IMMP2L: variants seen among roughly 807,000 people sequenced by gnomAD.
IMMP2L encodes inner mitochondrial membrane peptidase subunit 2.
Under a neutral mutation model 19.3 loss-of-function variants are expected in IMMP2L, and 18 were observed. The observed-to-expected ratio is 0.93, with a 90% confidence interval of 0.64 to 1.38. The LOEUF (loss-of-function observed/expected upper bound fraction) is 1.38, where lower values mean the gene tolerates loss of function less well. Ranked by LOEUF, IMMP2L falls within the 40% of genes most tolerant of loss-of-function variation. The probability of loss-of-function intolerance (pLI) is 0.00; values close to 1 mark genes in which losing one functional copy is unlikely to be tolerated. For missense variants in IMMP2L, 233 were observed against 218.2 expected, an observed-to-expected ratio of 1.07 and a Z score of -0.43; for synonymous variants, 76 against 73.0, an observed-to-expected ratio of 1.04 and a Z score of -0.21.
At chr7:110,913,203 T>C (rs1231111242) in intron 4 of IMMP2L, among the ~76,000 whole-genome samples, 1 of 152,096 alleles carries the variant, frequency 6.6e-6, no homozygotes, top group African/African-American at 2.4e-5. Context: ...AGTAGACTAA[T>C]AACCACTGGG....
rs974063637 is a variant in IMMP2L, at chr7:110,757,274, G to T, written c.409-93553C>A. ...CACTGAGGGAACCACATCCAGAAGG[G>T]CTTCGTATTTGGTTTAATACTCACC... On this transcript the variant is annotated intron_variant, in intron 5 of 5. Transcript: ENST00000405709. The surrounding 1 kb of genome is among the most constrained non-coding windows in gnomAD (Gnocchi z 4.2). 2.0e-5 allele frequency among the ~76,000 whole-genome samples: 3 copies of T among 151,682 alleles called. No individual in the cohort carries two copies. Among genetic ancestry groups the T allele is most frequent in the South Asian group, 2.1e-4 (1 of 4,798 alleles).
chr7:110,675,415 A>G (rs905900389), intron 5 of IMMP2L, among the ~76,000 whole-genome samples: 1 of 152,014 alleles, frequency 6.6e-6, no homozygotes, highest in Non-Finnish European at 1.5e-5. Flanking sequence ...CCCAAATGCA[A>G]CCGTATTTCA....
intron 5 of IMMP2L, among the ~76,000 whole-genome samples, chr7:110,670,309 T>C (rs1791802244): frequency 6.6e-6 from 1 of 152,218 alleles, no homozygotes. Flanking sequence ...TCCAGAATTG[T>C]CAGAAAATAA....
In IMMP2L at chr7:110,867,600, AT is replaced by A. The variant is rs967455006; in HGVS notation, c.408+18992del. Among the ~76,000 whole-genome samples the A allele has an allele frequency of 1.0e-3, 156 of 149,694 alleles. 1 individual carries two copies. Among genetic ancestry groups the A allele is most frequent in the African/African-American group, 3.0e-3 (121 of 40,924 alleles). On this transcript the variant is annotated intron_variant, in intron 5 of 5. Transcript: ENST00000405709. ...ACTATTACCAAGAAAAGTCCCACGT[AT>A]TTTTTTTTTGATAAGTTTCTGTGAA...
chr7:111,191,328 G>C (rs1808844579), intron 3 of IMMP2L, among the ~76,000 whole-genome samples: 1 of 151,710 alleles, frequency 6.6e-6, no homozygotes, highest in African/African-American at 2.4e-5. Flanking sequence ...TTCCATTAAA[G>C]CATGTAAAAT....
chr7:111,117,889 A>C (rs536839698), intron 3 of IMMP2L, among the ~76,000 whole-genome samples: 1 of 152,248 alleles, frequency 6.6e-6, no homozygotes, highest in African/African-American at 2.4e-5. Flanking sequence ...AGTCTTTATA[A>C]TACACATAAT....
intron 1 of IMMP2L, among the ~76,000 whole-genome samples, chr7:111,560,361 T>C (rs1000327969): frequency 6.6e-6 from 1 of 152,216 alleles, no homozygotes; most frequent in Admixed American, 6.5e-5. Context: ...CTTTCGAATT[T>C]ATTTTTCTAA....
At chr7:111,118,376 C>T (rs1324879424) in intron 3 of IMMP2L, among the ~76,000 whole-genome samples, 3 of 151,988 alleles carry the variant, frequency 2.0e-5, no homozygotes, top group East Asian at 1.9e-4. Flanking sequence ...TATAATTATA[C>T]CAAGAAACAA....
rs1259253663 is a variant in IMMP2L at position 111,079,156 on chromosome 7, C to T, written c.240-115591G>A. 3.4e-5 allele frequency among the ~76,000 whole-genome samples: 5 copies of T among 148,698 alleles called. No individual in the cohort carries two copies. In the East Asian group the frequency reaches 9.8e-4, roughly 29 times the overall value. ...TTTTTGAGACGGAGTCTCGCTCTGT[C>T]GCCCAGGCTGGAGTGCAGTGGCGGG... On this transcript the variant is annotated intron_variant, in intron 3 of 5. Transcript: ENST00000405709.
intron 5 of IMMP2L, among the ~76,000 whole-genome samples, chr7:110,769,074 G>C (rs1017305381): frequency 2.0e-5 from 3 of 152,136 alleles, no homozygotes; most frequent in East Asian, 3.9e-4. Context: ...TTGCCTGATA[G>C]CACAATTTCA....
intron 3 of IMMP2L, among the ~76,000 whole-genome samples, chr7:111,471,449 A>C (rs1032569171): frequency 5.9e-5 from 9 of 152,118 alleles, no homozygotes; most frequent in African/African-American, 2.2e-4. Flanking sequence ...GGTCCAATAC[A>C]GTAGCCAAAA....
intron 3 of IMMP2L, among the ~76,000 whole-genome samples, chr7:111,340,259 T>C (rs942758652): frequency 2.0e-5 from 3 of 152,186 alleles, no homozygotes; most frequent in Non-Finnish European, 4.4e-5. Flanking sequence ...ACATTTTTTG[T>C]TCTGTTACAG....
At chr7:110,837,217 G>A (rs1051218295) in intron 5 of IMMP2L, among the ~76,000 whole-genome samples, 2 of 152,084 alleles carry the variant, frequency 1.3e-5, no homozygotes, top group African/African-American at 2.4e-5. Flanking sequence ...TCAAGGCAAT[G>A]TCTATAATAC....
At chr7:110,974,677 C>A (rs1269402836) in intron 3 of IMMP2L, among the ~76,000 whole-genome samples, 15 of 152,098 alleles carry the variant, frequency 9.9e-5, no homozygotes, top group Non-Finnish European at 1.8e-4. Flanking sequence ...TGTTCACTGG[C>A]ACTCAGATGT....
In IMMP2L at chr7:110,822,492, A is replaced by G. The variant is rs149101360; in HGVS notation, c.408+64101T>C. On this transcript the variant is annotated intron_variant, in intron 5 of 5. Coordinates refer to ENST00000405709, the MANE Select transcript of IMMP2L (RefSeq NM_032549.4). ...CCTGGAATTCCTGTTTGCTGTAAACACCTCCTTATCCTAAACACTTGTCCA... is the reference window on the plus strand; with the variant it reads ...CCTGGAATTCCTGTTTGCTGTAAACGCCTCCTTATCCTAAACACTTGTCCA... Among the ~76,000 whole-genome samples, 263 of 152,088 alleles carry G rather than the reference A, an allele frequency of 1.7e-3. 1 individual carries two copies. The highest frequency in any genetic ancestry group is 0.01 in the Middle Eastern group (3 of 294).
intron 1 of IMMP2L, among the ~76,000 whole-genome samples, chr7:111,522,381 A>C (rs1363708051): frequency 1.3e-5 from 2 of 152,158 alleles, no homozygotes; most frequent in Non-Finnish European, 1.5e-5. Flanking sequence ...AACCTACAGA[A>C]TGGAAGAAAA....
chr7:111,422,461 G>C (rs541702943), intron 3 of IMMP2L, among the ~76,000 whole-genome samples: 1 of 151,812 alleles, frequency 6.6e-6, no homozygotes, highest in South Asian at 2.1e-4. Flanking sequence ...GGATTCCTAG[G>C]TATTTTACTC....
chr7:111,108,105 T>G (rs1204627320), intron 3 of IMMP2L, among the ~76,000 whole-genome samples: 2 of 152,140 alleles, frequency 1.3e-5, no homozygotes, highest in Non-Finnish European at 2.9e-5. Flanking sequence ...AGTGTCACTT[T>G]CTAGTGCAGA....
intron 3 of IMMP2L, among the ~76,000 whole-genome samples, chr7:111,133,828 T>C (rs1487033911): frequency 6.6e-6 from 1 of 152,024 alleles, no homozygotes; most frequent in Non-Finnish European, 1.5e-5. Flanking sequence ...AAATCACACA[T>C]ACTCAAAAGC....
Sources: gnomAD v4.1 joint callset for allele counts (sites outside exome capture counted in the v4.1 genomes callset) on GRCh38, gnomAD v4.1.1 for gene constraint, Gnocchi (gnomAD v3.1) non-coding constraint, MANE v1.5 for transcripts, NCBI Gene and HGNC (gene_info 2026-07-23, HGNC 2026-07-21) for gene names.